Variants in BACE2 observed in about 807,000 individuals in gnomAD.
BACE2 encodes the protein 56 kDa aspartic-like protease.
A neutral mutation model predicts 46.2 loss-of-function variants in BACE2; 17 were observed. That is an observed-to-expected ratio of 0.37 (90% CI 0.25 to 0.55). BACE2 has a LOEUF of 0.55. Ranked by LOEUF, BACE2 falls within the 20% of genes least tolerant of loss-of-function variation. The pLI, the probability that BACE2 is intolerant of heterozygous loss-of-function variation, is 0.82. For synonymous variants in BACE2, 277 were observed against 295.9 expected (o/e 0.94, Z 0.66); for missense variants, 595 against 698.1 (o/e 0.85, Z 1.66).
chr21:41,243,623 G>C, intron 5 of BACE2, 113 bp downstream of exon 5: 2 of 1,143,832 alleles, frequency 1.7e-6, no homozygotes, highest in Admixed American at 2.9e-5. Flanking sequence ...TAAGATAAAG[G>C]CTCATTACAT....
chr21:41,205,710 A>G (rs1026068066), intron 1 of BACE2, among the ~76,000 whole-genome samples: 1 of 152,184 alleles, frequency 6.6e-6, no homozygotes, highest in Non-Finnish European at 1.5e-5. Flanking sequence ...GGAAAACCTC[A>G]CATGAATTGT....
intron 1 of BACE2, among the ~76,000 whole-genome samples, chr21:41,224,134 C>A (rs946359550): frequency 6.6e-6 from 1 of 151,448 alleles, no homozygotes; most frequent in Non-Finnish European, 1.5e-5. Flanking sequence ...CTGGTCCCAG[C>A]TAAACTGAGG....
intron 6 of BACE2, among the ~76,000 whole-genome samples, chr21:41,248,222 G>A (rs2837990): frequency 0.25 from 37,648 of 152,096 alleles, 5,269 homozygotes; most frequent in African/African-American, 0.39. Context: ...AATAATACCC[G>A]CTTGAAAATG....
At position 41,245,852 on chromosome 21, in the gene BACE2, G is replaced by A. The variant is rs1045802124; in HGVS notation, c.883-110G>A. On this transcript the variant is annotated intron_variant, in intron 5 of 8. Transcript: ENST00000330333. ...CTACACAGTCCATGATGACTGGTGTGGCTGCCTGGATTTGTGTGTAACAGA... is the reference window on the plus strand; with the variant it reads ...CTACACAGTCCATGATGACTGGTGTAGCTGCCTGGATTTGTGTGTAACAGA... The A allele has an allele frequency of 1.1e-5, 8 of 740,408 alleles. No homozygotes were observed. The African/African-American group carries it at 1.2e-4, about 11-fold the overall frequency. 45.9% of individuals were successfully genotyped at this position (740,408 alleles called of 1,614,324 possible).
chr21:41,271,664 T>C (rs975386137), intron 8 of BACE2, among the ~76,000 whole-genome samples: 42 of 152,208 alleles, frequency 2.8e-4, no homozygotes, highest in Admixed American at 6.5e-5. Context: ...CGTGAAATTT[T>C]AGTGGTTGCT....
In BACE2 at chr21:41,199,076, G is replaced by A. The variant is rs374342986; in HGVS notation, c.313-27190G>A. Among the ~76,000 whole-genome samples the A allele has an allele frequency of 2.8e-3, 371 of 130,986 alleles. 3 individuals carry two copies. Among genetic ancestry groups the A allele is most frequent in the South Asian group, 0.017 (75 of 4,326 alleles). The allele number at this position is 130,986 out of a possible 152,430, so 85.9% of individuals were successfully genotyped here. On this transcript the variant is annotated intron_variant, in intron 1 of 8. Coordinates refer to ENST00000330333, the MANE Select transcript of BACE2 (RefSeq NM_012105.5). ...GTGATGTTCCCCTTCCTGTGTCCAA[G>A]TGTTCTCATTGCTCACTTCCCACCT...
chr21:41,168,558 G>A lies in BACE2; in HGVS notation c.295G>A (p.Gly99Arg). ...GRGYYLEMLI[G>R]TPPQKLQILV... The stretch of plus-strand genomic sequence containing the variant: ...CGGCTACTACCTGGAGATGCTGATC[G>A]GGACCCCCCCGCAGAAGGTAGGGAC... Residue 99 changes from glycine (G) to arginine (R), a missense_variant, in exon 1 of 9, where the codon GGG (glycine) becomes AGG (arginine). By Grantham distance (125) the Gly-to-Arg change is moderately radical. Coordinates refer to ENST00000330333, the MANE Select transcript of BACE2 (RefSeq NM_012105.5). 7.5e-7 allele frequency: 1 copy of A among 1,329,590 alleles called. No homozygotes were observed. 82.4% of individuals were successfully genotyped at this position (1,329,590 alleles called of 1,614,324 possible).
chr21:41,217,828 G>A (rs1045839036), intron 1 of BACE2, among the ~76,000 whole-genome samples: 3 of 152,236 alleles, frequency 2.0e-5, no homozygotes, highest in African/African-American at 4.8e-5. Context: ...AAGTAAAGGC[G>A]GCGGCCAGCA....
At chr21:41,261,132 G>C (rs1014510392) in intron 8 of BACE2, among the ~76,000 whole-genome samples, 19 of 152,080 alleles carry the variant, frequency 1.2e-4, no homozygotes, top group African/African-American at 4.3e-4. Context: ...GAACGTCTTT[G>C]TGTAGATGAA....
intron 8 of BACE2, among the ~76,000 whole-genome samples, chr21:41,263,195 T>C (rs75998795): frequency 0.01 from 1,571 of 152,264 alleles, 26 homozygotes; most frequent in African/African-American, 0.035. Context: ...TTTTGACAAT[T>C]TCCACATTAA....
At chr21:41,226,186 TA>T in intron 1 of BACE2, 79 bp from the exon 2 acceptor site, 1 of 1,122,756 alleles carries the variant, frequency 8.9e-7, no homozygotes, top group Non-Finnish European at 1.3e-6. Flanking sequence ...TACTTAGTTT[TA>T]AAAACATTAT....
chr21:41,257,232 T>C lies in BACE2; in HGVS notation c.1209T>C (p.Asn403=), dbSNP rs776483818. The C allele has an allele frequency of 1.2e-6, 2 of 1,614,180 alleles. No homozygotes were observed. The highest frequency in any genetic ancestry group is 1.7e-6 in the Non-Finnish European group (2 of 1,180,036). Residue 403 remains asparagine, a synonymous_variant, in exon 8 of 9, where the codon AAT becomes AAC. Transcript: ENST00000330333. ...CYRFGISPST[N]ALVIGATVME... ...GATTCGGCATTTCCCCATCCACAAA[T>C]GCGCTGGTGATCGGTGCCACGGTGA...
chr21:41,175,167 T>A (rs1181232692), intron 1 of BACE2: 1 of 152,120 alleles, frequency 6.6e-6, no homozygotes, highest in Non-Finnish European at 1.5e-5. Flanking sequence ...ATTAACCACA[T>A]AAAGGAAATG....
chr21:41,199,695 G>A (rs999239608), intron 1 of BACE2, among the ~76,000 whole-genome samples: 1 of 152,128 alleles, frequency 6.6e-6, no homozygotes, highest in African/African-American at 2.4e-5. Flanking sequence ...TTCTAGCCGG[G>A]CTTCGATTCC....
intron 3 of BACE2, among the ~76,000 whole-genome samples, chr21:41,238,719 C>T (rs1045272155): frequency 4.1e-4 from 61 of 147,162 alleles, no homozygotes; most frequent in East Asian, 3.5e-3. Flanking sequence ...AACCAAACAC[C>T]GCATATTCTC....
In BACE2 at chr21:41,280,118, A is replaced by C. The variant is rs1465347396; in HGVS notation, c.*4494A>C. On this transcript the variant is annotated 3_prime_UTR_variant, in exon 9 of 9. Transcript: ENST00000330333. Reference sequence around the variant, plus strand: ...GCCATGTGTAAAACACGTCTGTCCTAATCAAACTAGAGATGCCTCAAGGCC... The same window carrying C: ...GCCATGTGTAAAACACGTCTGTCCTCATCAAACTAGAGATGCCTCAAGGCC... The C allele has an allele frequency of 6.6e-6, 1 of 152,292 alleles. No individual in the cohort carries two copies. The highest frequency in any genetic ancestry group is 1.9e-4 in the East Asian group (1 of 5,192). 9.4% of individuals were successfully genotyped at this position (152,292 alleles called of 1,614,324 possible). A position where few individuals can be genotyped will look rare whatever the true frequency, so the allele number is the denominator to read the frequency against.
intron 1 of BACE2, among the ~76,000 whole-genome samples, chr21:41,206,252 T>C (rs919165090): frequency 6.6e-6 from 1 of 152,130 alleles, no homozygotes. Flanking sequence ...TCATTGCATC[T>C]TCAGATGGCA....
At chr21:41,250,551 C>T (rs888077785) in intron 6 of BACE2, among the ~76,000 whole-genome samples, 1 of 152,156 alleles carries the variant, frequency 6.6e-6, no homozygotes, top group Non-Finnish European at 1.5e-5. Flanking sequence ...GTAGGTACTT[C>T]ATGTGTCTTG....
chr21:41,245,976 G>A lies in BACE2; in HGVS notation c.897G>A (p.Lys299=), dbSNP rs750329484. Residue 299 remains lysine (K), a synonymous_variant, in exon 6 of 9, where the codon AAG becomes AAA. Transcript: ENST00000330333. The part of the protein sequence containing the change: ...NLDCREYNAD[K]AIVDSGTTLL... Reference sequence around the variant, plus strand: ...CCCGGTTCAAGTATAACGCAGACAAGGCCATCGTGGACAGTGGCACCACGC... The same window carrying A: ...CCCGGTTCAAGTATAACGCAGACAAAGCCATCGTGGACAGTGGCACCACGC... The A allele has an allele frequency of 6.2e-7, 1 of 1,609,822 alleles. No individual in the cohort carries two copies. The highest frequency in any genetic ancestry group is 1.1e-5 in the South Asian group (1 of 89,950).
Sources: gnomAD v4.1 joint callset for allele counts (sites outside exome capture counted in the v4.1 genomes callset) on GRCh38, gnomAD v4.1.1 for gene constraint, MANE v1.5 for transcripts, NCBI Gene and HGNC (gene_info 2026-07-23, HGNC 2026-07-21) for gene names.